Variants in DISP1 observed in about 807,000 individuals in gnomAD.
DISP1 encodes the protein dispatched RND transporter family member 1.
In DISP1, 30 loss-of-function variants were observed where a neutral mutation model predicts 37.3. That is an observed-to-expected ratio of 0.80 (90% confidence interval 0.60 to 1.09). The LOEUF is 1.09. DISP1 is among the 50% of genes least tolerant of loss of function. DISP1 has a pLI of 0.00. For synonymous variants in DISP1, 634 were observed against 690.2 expected, an observed-to-expected ratio of 0.92 and a Z score of 1.28; for missense variants, 1,598 against 1,879.5, an observed-to-expected ratio of 0.85 and a Z score of 2.77.
intron 1 of DISP1, among the ~76,000 whole-genome samples, chr1:222,910,335 C>G (rs1179670668): frequency 6.6e-6 from 1 of 152,124 alleles, no homozygotes; most frequent in Non-Finnish European, 1.5e-5. Flanking sequence ...GGCACTCCAG[C>G]CTGGGGGTCG....
At chr1:222,943,662 TATG>T (rs1372228959) in intron 3 of DISP1, 1 of 376,134 alleles carries the variant, frequency 2.7e-6, no homozygotes, top group Non-Finnish European at 4.9e-6. Context: ...GAAGCATATT[TATG>T]ATGAGACTAA....
At chr1:222,891,711 T>C (rs2125387615) in intron 1 of DISP1, among the ~76,000 whole-genome samples, 1 of 145,160 alleles carries the variant, frequency 6.9e-6, no homozygotes, top group South Asian at 2.3e-4. Context: ...GAAGGTAAAG[T>C]AGGATGAGAC....
chr1:222,968,991 G>C (rs1165964505), intron 3 of DISP1, among the ~76,000 whole-genome samples: 1 of 151,978 alleles, frequency 6.6e-6, no homozygotes, highest in Admixed American at 6.6e-5. Context: ...TAATAGAGCT[G>C]ACCTAGATTA....
chr1:222,929,611 T>A (rs1245445993), intron 2 of DISP1, among the ~76,000 whole-genome samples: 1 of 152,076 alleles, frequency 6.6e-6, no homozygotes, highest in Non-Finnish European at 1.5e-5. Context: ...ACAGTTCCCT[T>A]TGTTGGCTGG....
chr1:222,981,281 A>G (rs543253523), intron 3 of DISP1, among the ~76,000 whole-genome samples: 1 of 148,550 alleles, frequency 6.7e-6, no homozygotes, highest in South Asian at 2.2e-4. Context: ...AGTTCTCACT[A>G]CAGCTCCACT....
chr1:222,884,251 T>A (rs554104715), intron 1 of DISP1, among the ~76,000 whole-genome samples: 33 of 152,300 alleles, frequency 2.2e-4, no homozygotes, highest in Admixed American at 9.2e-4. Flanking sequence ...GGTTCCCAGC[T>A]TTTCTTCATG....
chr1:222,971,957 T>C (rs1676989934), intron 3 of DISP1, among the ~76,000 whole-genome samples: 1 of 152,138 alleles, frequency 6.6e-6, no homozygotes. Flanking sequence ...TTAGGCTTAA[T>C]GTAAGTTCCA....
chr1:222,859,357 A>G (rs944218515), intron 1 of DISP1, among the ~76,000 whole-genome samples: 1 of 152,184 alleles, frequency 6.6e-6, no homozygotes, highest in African/African-American at 2.4e-5. Context: ...GAGGGAGAGC[A>G]TTAGGAAAAA....
At chr1:222,979,524 A>T (rs1172553460) in intron 3 of DISP1, 2 of 446,288 alleles carry the variant, frequency 4.5e-6, no homozygotes. Flanking sequence ...TGGGTGAATT[A>T]TGTGGTATAT....
chr1:222,937,059 A>ATT (rs1673979943), intron 2 of DISP1, among the ~76,000 whole-genome samples: 1 of 73,758 alleles, frequency 1.4e-5, no homozygotes, highest in Non-Finnish European at 2.3e-5. Flanking sequence ...TATAATATGC[A>ATT]ATATATAATA....
intron 1 of DISP1, among the ~76,000 whole-genome samples, chr1:222,874,400 A>C (rs1669821799): frequency 6.6e-6 from 1 of 151,456 alleles, no homozygotes; most frequent in Admixed American, 6.6e-5. Context: ...TCCCCATCGT[A>C]GATTTGGTCT....
chr1:222,836,169 A>C (rs1439435303), intron 1 of DISP1, among the ~76,000 whole-genome samples: 2 of 152,168 alleles, frequency 1.3e-5, no homozygotes, highest in African/African-American at 4.8e-5. Context: ...CTGGGGGGAA[A>C]AAACAGCCTT....
At chr1:222,867,365 A>T (rs1316534084) in intron 1 of DISP1, among the ~76,000 whole-genome samples, 5 of 152,226 alleles carry the variant, frequency 3.3e-5, no homozygotes, top group African/African-American at 1.2e-4. Context: ...AGTTGTGATT[A>T]GCATATTCTT....
At chr1:222,840,984 A>G (rs1667582518) in intron 1 of DISP1, among the ~76,000 whole-genome samples, 2 of 152,198 alleles carry the variant, frequency 1.3e-5, no homozygotes, top group African/African-American at 4.8e-5. Context: ...AATAAATGCA[A>G]AGGTGAGTAG....
At chr1:222,889,272 A>C (rs1391973229) in intron 1 of DISP1, among the ~76,000 whole-genome samples, 1 of 152,122 alleles carries the variant, frequency 6.6e-6, no homozygotes, top group African/African-American at 2.4e-5. Context: ...AAATAAATTG[A>C]TGTTTAATCC....
At chr1:222,885,634 T>A (rs1222250162) in intron 1 of DISP1, among the ~76,000 whole-genome samples, 1 of 151,988 alleles carries the variant, frequency 6.6e-6, no homozygotes. Flanking sequence ...ACCACAATAC[T>A]TAGCTAATTT....
chr1:223,002,014 G>A (rs1679491650), intron 8 of DISP1, among the ~76,000 whole-genome samples: 1 of 152,118 alleles, frequency 6.6e-6, no homozygotes, highest in Non-Finnish European at 1.5e-5. Context: ...ATATACATAA[G>A]CTTCACAACC....
In DISP1 at chr1:222,988,769, T is replaced by C. The variant is rs377537797; in HGVS notation, c.540-1856T>C. On this transcript the variant is annotated intron_variant, in intron 4 of 8. Coordinates refer to ENST00000675850, the MANE Select transcript of DISP1 (RefSeq NM_001377229.1). ...CCTGGGTTCAAGTAATTCTCCTGCC[T>C]CAGCCTCCCAAGTAGCTGGGACTAC... Among the ~76,000 whole-genome samples, 8 of 151,860 alleles carry C rather than the reference T, an allele frequency of 5.3e-5. No homozygotes were observed. In the East Asian group the frequency reaches 1.6e-3, roughly 29 times the overall value.
At chr1:222,949,665 C>T (rs1018553657) in intron 3 of DISP1, among the ~76,000 whole-genome samples, 8 of 152,128 alleles carry the variant, frequency 5.3e-5, no homozygotes, top group Non-Finnish European at 7.3e-5. Context: ...CTTGCTCCAT[C>T]GCCCAGGCTG....
Sources: allele counts gnomAD v4.1 joint callset (sites outside exome capture counted in the v4.1 genomes callset), GRCh38; gene constraint gnomAD v4.1.1; transcripts MANE v1.5; gene names NCBI Gene and HGNC (gene_info 2026-07-23, HGNC 2026-07-21).